The following HUNK variants were observed in gnomAD, a reference collection of about 807,000 sequenced individuals.
HUNK encodes hormonally up-regulated neu tumor-associated kinase.
In HUNK, 21 loss-of-function variants were observed where a neutral mutation model predicts 61.0. The ratio of observed to expected loss-of-function variants is 0.34; its 90% confidence interval spans 0.24 to 0.50. HUNK has a LOEUF of 0.50. Among genes scored for constraint, HUNK ranks in the 20% least tolerant of loss-of-function variants. The probability of loss-of-function intolerance (pLI) is 0.98; values close to 1 mark genes in which losing one functional copy is unlikely to be tolerated. For synonymous variants in HUNK, 371 were observed against 386.1 expected, an observed-to-expected ratio of 0.96 and a Z score of 0.46; for missense variants, 772 against 945.7, an observed-to-expected ratio of 0.82 and a Z score of 2.41.
At chr21:31,897,733 G>A (rs552746859) in intron 1 of HUNK, among the ~76,000 whole-genome samples, 1 of 152,330 alleles carries the variant, frequency 6.6e-6, no homozygotes, top group East Asian at 1.9e-4. Flanking sequence ...TGGAAGCAAA[G>A]AGCAAGAGAC....
chr21:31,987,797 C>G (rs1169933003), intron 8 of HUNK, among the ~76,000 whole-genome samples: 1 of 152,196 alleles, frequency 6.6e-6, no homozygotes, highest in African/African-American at 2.4e-5. Flanking sequence ...AAGGGAAGGG[C>G]CCAGGCCTCA....
Position 31,974,552 on chromosome 21 carries a change from C to A in HUNK, c.1011-3C>A. The A allele has an allele frequency of 6.2e-7, 1 of 1,611,886 alleles. No homozygotes were observed. Among genetic ancestry groups the A allele is most frequent in the Non-Finnish European group, 8.5e-7 (1 of 1,178,956 alleles). ...ACTGGTCCTCTCTCTCTGCACCTCG[C>A]AGGATTTCTCTGGAAGATCTGAGCC... is the stretch of plus-strand genomic sequence containing the variant. On this transcript the variant is annotated splice_region_variant and splice_polypyrimidine_tract_variant and intron_variant, in intron 6 of 10. Coordinates refer to ENST00000270112, the MANE Select transcript of HUNK (RefSeq NM_014586.2).
chr21:31,984,181 A>T (rs966917619), intron 8 of HUNK, among the ~76,000 whole-genome samples: 2 of 152,182 alleles, frequency 1.3e-5, no homozygotes, highest in Non-Finnish European at 2.9e-5. Context: ...CTGTAGGGTG[A>T]CTATAGTTAA....
At chr21:31,973,581 G>GTGATGATGATGATGATGA (rs34890227) in intron 6 of HUNK, among the ~76,000 whole-genome samples, 8 of 150,314 alleles carry the variant, frequency 5.3e-5, no homozygotes, top group African/African-American at 1.7e-4. Context: ...GATGGTGGTG[G>GTGATGATGATGATGATGA]TGATGATGAT....
chr21:31,909,072 T>C (rs768500325), intron 1 of HUNK, among the ~76,000 whole-genome samples: 8 of 152,178 alleles, frequency 5.3e-5, no homozygotes, highest in Non-Finnish European at 8.8e-5. Context: ...TTTTGTGCAC[T>C]GTAAGTGGGC....
chr21:31,993,392 G>A (rs903039360), intron 9 of HUNK, among the ~76,000 whole-genome samples: 1 of 152,204 alleles, frequency 6.6e-6, no homozygotes, highest in Admixed American at 6.5e-5. Flanking sequence ...GTGGGCCACA[G>A]AGCAGCCTGA....
chr21:31,963,360 AC>A (rs1300492962), intron 5 of HUNK, among the ~76,000 whole-genome samples: 1 of 152,162 alleles, frequency 6.6e-6, no homozygotes, highest in African/African-American at 2.4e-5. Context: ...CACCCCCCCT[AC>A]AAAAAGTTGG....
intron 1 of HUNK, among the ~76,000 whole-genome samples, chr21:31,914,935 A>G (rs1178343950): frequency 6.6e-6 from 1 of 152,186 alleles, no homozygotes; most frequent in African/African-American, 2.4e-5. Flanking sequence ...TTGAACCATG[A>G]CAAAGAATCT....
Position 31,873,662 on chromosome 21 carries a change from C to CG in HUNK, c.-12dup. 1.2e-6 allele frequency: 1 copy of CG among 835,188 alleles called. No individual in the cohort carries two copies. Among genetic ancestry groups the CG allele is most frequent in the South Asian group, 5.8e-5 (1 of 17,162 alleles). The allele number at this position is 835,188 out of a possible 1,614,324, so 51.7% of individuals were successfully genotyped here. ...GGAGACGAGCAGGAGCCGCGCGGGC[C>CG]GCGGCGAGCGCGATGCCGGCGGCGG... is the stretch of plus-strand genomic sequence containing the variant. On this transcript the variant is annotated 5_prime_UTR_variant, in exon 1 of 11. Coordinates refer to ENST00000270112, the MANE Select transcript of HUNK (RefSeq NM_014586.2). The surrounding 1 kb of genome is among the most constrained non-coding windows in gnomAD (Gnocchi z 6.1).
At chr21:31,914,431 AAAAAAAG>A (rs1226697821) in intron 1 of HUNK, among the ~76,000 whole-genome samples, 1 of 150,424 alleles carries the variant, frequency 6.6e-6, no homozygotes, top group African/African-American at 2.5e-5. Context: ...AAAAAAAAAA[AAAAAAAG>A]ACCCGGCCCT....
At chr21:31,959,912 G>C (rs2052915467) in intron 5 of HUNK, among the ~76,000 whole-genome samples, 1 of 152,180 alleles carries the variant, frequency 6.6e-6, no homozygotes, top group Admixed American at 6.5e-5. Context: ...TCACCTCAAG[G>C]GAGGGGAGAC....
intron 1 of HUNK, 90 bp downstream of exon 1, chr21:31,874,025 T>A: frequency 9.6e-7 from 1 of 1,042,010 alleles, no homozygotes; most frequent in Non-Finnish European, 1.3e-6. Flanking sequence ...GGAGTCCCAG[T>A]GTGCAGTCCC....
intron 1 of HUNK, among the ~76,000 whole-genome samples, chr21:31,888,999 T>C (rs537953056): frequency 6.6e-6 from 1 of 152,138 alleles, no homozygotes; most frequent in Non-Finnish European, 1.5e-5. Context: ...CTAACTCTAG[T>C]AGTACTTCTC....
chr21:31,953,481 A>T (rs2052866565), intron 4 of HUNK, among the ~76,000 whole-genome samples: 1 of 152,080 alleles, frequency 6.6e-6, no homozygotes, highest in South Asian at 2.1e-4. Flanking sequence ...TGATCCGCCC[A>T]CCTCAGCCTC....
intron 1 of HUNK, among the ~76,000 whole-genome samples, chr21:31,895,283 C>T (rs1229782037): frequency 6.6e-6 from 1 of 152,084 alleles, no homozygotes; most frequent in Non-Finnish European, 1.5e-5. Flanking sequence ...CTTCAGGGGC[C>T]CAGGGCTCTC....
chr21:31,987,091 G>A (rs2053138831), intron 8 of HUNK, among the ~76,000 whole-genome samples: 1 of 152,132 alleles, frequency 6.6e-6, no homozygotes, highest in African/African-American at 2.4e-5. Flanking sequence ...AGATCAAGTG[G>A]GCCCTGATCA....
chr21:31,905,582 G>T (rs2052499535), intron 1 of HUNK, among the ~76,000 whole-genome samples: 1 of 152,168 alleles, frequency 6.6e-6, no homozygotes, highest in African/African-American at 2.4e-5. Flanking sequence ...TCTGCTTATG[G>T]ATTCCTGGCC....
intron 1 of HUNK, among the ~76,000 whole-genome samples, chr21:31,908,331 T>C (rs2052521874): frequency 6.6e-6 from 1 of 152,088 alleles, no homozygotes; most frequent in African/African-American, 2.4e-5. Flanking sequence ...CGTAACTGTC[T>C]TTAGAAAGAA....
At chr21:31,974,524 G>T (rs1318843410) in intron 6 of HUNK, 31 bp from the exon 7 acceptor site, 1 of 1,598,940 alleles carries the variant, frequency 6.3e-7, no homozygotes, top group Admixed American at 1.7e-5. Context: ...AAGTGCAGGG[G>T]TGACTGGTCC....
Sources: allele counts gnomAD v4.1 joint callset (sites outside exome capture counted in the v4.1 genomes callset), GRCh38; gene constraint gnomAD v4.1.1; non-coding constraint Gnocchi (gnomAD v3.1); transcripts MANE v1.5; gene names NCBI Gene and HGNC (gene_info 2026-07-23, HGNC 2026-07-21).